The following CADPS2 variants were observed in gnomAD, a reference collection of about 807,000 sequenced individuals.
CADPS2 encodes calcium-dependent secretion activator 2.
In CADPS2, 93 loss-of-function variants were observed where a neutral mutation model predicts 172.5. The ratio of observed to expected loss-of-function variants is 0.54; its 90% CI spans 0.46 to 0.64. CADPS2 has a LOEUF of 0.64. Among genes scored for constraint, CADPS2 ranks in the 30% least tolerant of loss-of-function variants. The probability of loss-of-function intolerance (pLI) is 0.00; values close to 1 mark genes in which losing one functional copy is unlikely to be tolerated. For missense variants in CADPS2, 1,420 were observed against 1,565.9 expected (o/e 0.91, Z 1.57); for synonymous variants, 546 against 555.2 (o/e 0.98, Z 0.23).
Position 122,877,200 on chromosome 7 carries a change from T to G in CADPS2, c.339+8799A>C, listed in dbSNP as rs535062814. 2.6e-5 allele frequency among the ~76,000 whole-genome samples: 4 copies of G among 152,326 alleles called. No individual in the cohort carries two copies. The East Asian group carries it at 7.7e-4, about 29-fold the overall frequency. On this transcript the variant is annotated intron_variant, in intron 1 of 29. Transcript: ENST00000449022. ...CCTCTATTAATACAAAAAAAGGAATTTGATAACATTCAGTATCAATTCTTG... is the reference window on the plus strand; with the variant it reads ...CCTCTATTAATACAAAAAAAGGAATGTGATAACATTCAGTATCAATTCTTG...
intron 4 of CADPS2, among the ~76,000 whole-genome samples, chr7:122,623,950 A>C (rs2075838653): frequency 6.6e-6 from 1 of 152,134 alleles, no homozygotes; most frequent in African/African-American, 2.4e-5. Flanking sequence ...TTTAACTATA[A>C]ACACTTCATG....
intron 1 of CADPS2, among the ~76,000 whole-genome samples, chr7:122,737,504 C>A (rs2137827408): frequency 6.6e-6 from 1 of 152,300 alleles, no homozygotes; most frequent in East Asian, 1.9e-4. Context: ...AGCCACTGCA[C>A]CCGGACACTA....
chr7:122,493,235 AGAT>A (rs914810598), intron 9 of CADPS2, among the ~76,000 whole-genome samples: 7 of 152,206 alleles, frequency 4.6e-5, no homozygotes, highest in African/African-American at 1.7e-4. Context: ...AACGGGCAAA[AGAT>A]GACTACTCTT....
chr7:122,319,938 C>T lies in CADPS2; in HGVS notation c.*227G>A. On this transcript the variant is annotated 3_prime_UTR_variant, in exon 30 of 30. Transcript: ENST00000449022. ...AGGTCAAACTACACAAAAGAGGATG[C>T]TCTTCTCCAAAAAAACAAACAAACA... 2.4e-6 allele frequency: 1 copy of T among 411,070 alleles called. No individual in the cohort carries two copies. Among genetic ancestry groups the T allele is most frequent in the Non-Finnish European group, 4.2e-6 (1 of 238,194 alleles). The allele number at this position is 411,070 out of a possible 1,614,324, so 25.5% of individuals were successfully genotyped here.
At position 122,388,583 on chromosome 7, in the gene CADPS2, C is replaced by G. The variant is rs551479628; in HGVS notation, c.3164G>C (p.Arg1055Thr). The G allele has an allele frequency of 6.3e-7, 1 of 1,579,280 alleles. No individual in the cohort carries two copies. The highest frequency in any genetic ancestry group is 1.4e-5 in the African/African-American group (1 of 73,788). The change falls in exon 23 of 30, where the codon AGA becomes ACA. Residue 1055 changes from arginine (R) to threonine (T), a missense_variant and splice_region_variant. Arg to Thr is a moderately conservative substitution (Grantham distance 71). Transcript: ENST00000449022. ...ASDMLEACVK[R>T]TRTAFELKLQ... ...CAGCAATTTGAAAATACATGTCTAC[C>G]TTTTGACACAGGCCTCTAGCATATC...
At chr7:122,569,489 T>A (rs1231453843) in intron 7 of CADPS2, among the ~76,000 whole-genome samples, 1 of 150,600 alleles carries the variant, frequency 6.6e-6, no homozygotes, top group African/African-American at 2.5e-5. Context: ...GCCATCCCCA[T>A]CAAGCTACCA....
chr7:122,496,646 T>C (rs1436020901), intron 9 of CADPS2, among the ~76,000 whole-genome samples: 1 of 152,196 alleles, frequency 6.6e-6, no homozygotes, highest in East Asian at 1.9e-4. Flanking sequence ...TAGAAGTATG[T>C]TTTTAAGTTT....
intron 6 of CADPS2, among the ~76,000 whole-genome samples, chr7:122,589,480 G>A (rs1482647452): frequency 4.0e-5 from 6 of 151,756 alleles, no homozygotes; most frequent in Admixed American, 2.0e-4. Flanking sequence ...CAATACTTAC[G>A]GAAGAGCAGC....
At chr7:122,384,919 T>C (rs189821336) in intron 24 of CADPS2, among the ~76,000 whole-genome samples, 1 of 152,176 alleles carries the variant, frequency 6.6e-6, no homozygotes, top group Non-Finnish European at 1.5e-5. Context: ...AATCTGTTCA[T>C]CCACTCAGCA....
intron 12 of CADPS2, among the ~76,000 whole-genome samples, chr7:122,475,563 GT>G (rs1277415875): frequency 9.2e-5 from 14 of 152,208 alleles, no homozygotes; most frequent in Admixed American, 7.2e-4. Flanking sequence ...CAATTATAGA[GT>G]CAGACTCATA....
intron 2 of CADPS2, among the ~76,000 whole-genome samples, chr7:122,694,553 G>A (rs541502158): frequency 6.6e-6 from 1 of 152,192 alleles, no homozygotes; most frequent in African/African-American, 2.4e-5. Context: ...TGGAGAGAGG[G>A]GTTAGAAGCT....
At chr7:122,645,246 C>CAT (rs5887105) in intron 3 of CADPS2, among the ~76,000 whole-genome samples, 64,694 of 138,714 alleles carry the variant, frequency 0.47, 15,983 homozygotes, top group Non-Finnish European at 0.49. Flanking sequence ...TATATACACA[C>CAT]ATGTACATGT....
At chr7:122,541,215 T>TGAGACAG (rs2062884694) in intron 8 of CADPS2, among the ~76,000 whole-genome samples, 1 of 151,522 alleles carries the variant, frequency 6.6e-6, no homozygotes, top group African/African-American at 2.4e-5. Flanking sequence ...TTTTTTTTTT[T>TGAGACAG]TGAGACGGAG....
At chr7:122,799,864 A>G (rs192466540) in intron 1 of CADPS2, among the ~76,000 whole-genome samples, 32 of 152,298 alleles carry the variant, frequency 2.1e-4, no homozygotes, top group Admixed American at 1.8e-3. Flanking sequence ...CAACACATCT[A>G]TCGGCATTGA....
At position 122,539,170 on chromosome 7, in the gene CADPS2, G is replaced by A. The variant is rs2062643475; in HGVS notation, c.1475+15380C>T. Among the ~76,000 whole-genome samples, 3 of 152,064 alleles carry A rather than the reference G, an allele frequency of 2.0e-5. No homozygotes were observed. In the South Asian group the frequency reaches 6.2e-4, roughly 31 times the overall value. The stretch of plus-strand genomic sequence containing the variant: ...CAGACACTTAAAACCTAATGCAACA[G>A]TGTTGAGAAGTGGGACCTTTAAGAT... On this transcript the variant is annotated intron_variant, in intron 8 of 29. Transcript: ENST00000449022.
chr7:122,436,450 G>T, intron 17 of CADPS2: 1 of 829,346 alleles, frequency 1.2e-6, no homozygotes, highest in Non-Finnish European at 1.7e-6. Context: ...AATGTAAAAG[G>T]CCACTTTCTA....
At chr7:122,803,525 T>C (rs564120712) in intron 1 of CADPS2, among the ~76,000 whole-genome samples, 49 of 152,264 alleles carry the variant, frequency 3.2e-4, no homozygotes, top group Non-Finnish European at 5.4e-4. Context: ...CAGAATCACA[T>C]GAAAATGTGA....
chr7:122,534,162 T>C (rs2062021425), intron 8 of CADPS2, among the ~76,000 whole-genome samples: 2 of 152,190 alleles, frequency 1.3e-5, no homozygotes, highest in South Asian at 4.1e-4. Context: ...TTATTGCACC[T>C]GAATTCTTTT....
At chr7:122,326,790 C>T (rs993704736) in intron 28 of CADPS2, among the ~76,000 whole-genome samples, 1 of 151,726 alleles carries the variant, frequency 6.6e-6, no homozygotes, top group Non-Finnish European at 1.5e-5. Flanking sequence ...AACATTGATC[C>T]AATACAATTT....
Sources: gnomAD v4.1 joint callset for allele counts (sites outside exome capture counted in the v4.1 genomes callset) on GRCh38, gnomAD v4.1.1 for gene constraint, MANE v1.5 for transcripts, NCBI Gene and HGNC (gene_info 2026-07-23, HGNC 2026-07-21) for gene names.